Variants in AP1B1 observed in about 807,000 individuals in gnomAD.
AP1B1 encodes the protein adaptor related protein complex 1 subunit beta 1.
Under a neutral mutation model 104.3 loss-of-function variants are expected in AP1B1, and 36 were observed. The observed-to-expected ratio is 0.35, with a 90% CI of 0.26 to 0.46. AP1B1 has a LOEUF of 0.46. Ranked by LOEUF, AP1B1 falls within the 20% of genes least tolerant of loss-of-function variation. AP1B1 has a pLI of 1.00. For missense variants in AP1B1, 901 were observed against 1,247.9 expected (o/e 0.72, Z 4.19); for synonymous variants, 504 against 517.5 (o/e 0.97, Z 0.35).
chr22:29,385,264 T>C (rs752914854), intron 1 of AP1B1, among the ~76,000 whole-genome samples: 13 of 152,200 alleles, frequency 8.5e-5, no homozygotes, highest in Non-Finnish European at 1.8e-4. Context: ...CACCCATCTG[T>C]AGTACTAGCT....
rs553224306 is a variant in AP1B1, at chr22:29,344,248, C to A, written c.1438-1865G>T. Among the ~76,000 whole-genome samples, 7 of 152,232 alleles carry A rather than the reference C, an allele frequency of 4.6e-5. No homozygotes were observed. In the South Asian group the frequency reaches 1.4e-3, roughly 32 times the overall value. ...TCTTCCCAGTCCAGTCAGCCGGATG[C>A]CTGGAATTATTCATCACTGTCAGAT... On this transcript the variant is annotated intron_variant, in intron 11 of 22. Coordinates refer to ENST00000357586, the MANE Select transcript of AP1B1 (RefSeq NM_001127.4).
chr22:29,345,336 C>A (rs979545729), intron 11 of AP1B1, among the ~76,000 whole-genome samples: 34 of 147,132 alleles, frequency 2.3e-4, no homozygotes, highest in Non-Finnish European at 4.9e-4. Flanking sequence ...GGGTTACAGG[C>A]ATGAGCTGCT....
chr22:29,351,367 G>T (rs757525454), intron 8 of AP1B1, 101 bp from the exon 9 acceptor site: 16 of 1,317,510 alleles, frequency 1.2e-5, no homozygotes, highest in Non-Finnish European at 1.5e-5. Flanking sequence ...AGGAGAATGG[G>T]ATTCTGCCTC....
At position 29,328,964 on chromosome 22, in the gene AP1B1, T is replaced by C. The variant is rs1406026307; in HGVS notation, c.2776-69A>G. The stretch of plus-strand genomic sequence containing the variant: ...GGGTTCCTCTCAGGAAGGAAAGGGG[T>C]GGGGAAGAGAGCAGGAACCAATGGG... On this transcript the variant is annotated intron_variant, in intron 22 of 22. Coordinates refer to ENST00000357586, the MANE Select transcript of AP1B1 (RefSeq NM_001127.4). This position sits in a 1 kb window ranked among gnomAD's most constrained non-coding sequence, Gnocchi z 4.1. 4 of 1,559,870 alleles carry C rather than the reference T, an allele frequency of 2.6e-6. No homozygotes were observed. The highest frequency in any genetic ancestry group is 1.4e-5 in the African/African-American group (1 of 73,252).
intron 17 of AP1B1, chr22:29,332,128 A>G: frequency 1.9e-6 from 1 of 524,356 alleles, no homozygotes; most frequent in Admixed American, 3.4e-5. Flanking sequence ...CCCCAGGCCA[A>G]TTGCTCTGCT....
chr22:29,384,025 T>G (rs1243117894), intron 1 of AP1B1, among the ~76,000 whole-genome samples: 1 of 151,254 alleles, frequency 6.6e-6, no homozygotes, highest in Non-Finnish European at 1.5e-5. Context: ...ACACAAGGAG[T>G]GGGTAGGTGA....
Position 29,341,508 on chromosome 22 carries a change from T to C in AP1B1, c.1789A>G (p.Thr597Ala). The C allele has an allele frequency of 3.1e-6, 5 of 1,612,396 alleles. No homozygotes were observed. Among genetic ancestry groups the C allele is most frequent in the Non-Finnish European group, 4.2e-6 (5 of 1,178,766 alleles). ...GVVHKSLPPR[T>A]ASSESAESPE... ...CTGGCCAGTCTCACTCACGAGGCCGTGCGAGGTGGCAGGCTCTTGTGCACG... is the reference window on the plus strand; with the variant it reads ...CTGGCCAGTCTCACTCACGAGGCCGCGCGAGGTGGCAGGCTCTTGTGCACG... The change falls in exon 13 of 23, where the codon ACG becomes GCG. Residue 597 changes from threonine (T) to alanine (A), a missense_variant. This residue lies in a region of AP1B1 where 424 missense variants were observed against 494.0 expected (regional missense o/e 0.86). Transcript: ENST00000357586.
Position 29,356,597 on chromosome 22 carries a change from G to A in AP1B1, c.545C>T (p.Ala182Val), listed in dbSNP as rs1454050252. ...SNPMVVANAVAALSEIAESHP... is the reference protein window; with the variant it reads ...SNPMVVANAVVALSEIAESHP... The stretch of plus-strand genomic sequence containing the variant: ...AGACTCGGCAATTTCTGAGAGCGCT[G>A]CCACTGCATTGGCCACCACCTGGTT... The change falls in exon 6 of 23, where the codon GCA becomes GTA. Residue 182 changes from alanine (A) to valine (V), a missense_variant. Transcript: ENST00000357586. The A allele has an allele frequency of 3.1e-6, 5 of 1,614,050 alleles. 1 individual carries two copies. The highest frequency in any genetic ancestry group is 4.2e-6 in the Non-Finnish European group (5 of 1,179,982).
chr22:29,334,583 C>G (rs1445989711), intron 16 of AP1B1, among the ~76,000 whole-genome samples, 173 bp from the exon 17 acceptor site: 1 of 152,212 alleles, frequency 6.6e-6, no homozygotes, highest in South Asian at 2.1e-4. Flanking sequence ...ACAGAACAAT[C>G]CCATGTACCA....
At chr22:29,331,661 C>G in intron 18 of AP1B1, 126 bp downstream of exon 18, 1 of 1,586,974 alleles carries the variant, frequency 6.3e-7, no homozygotes. Context: ...CGTTCCCCAA[C>G]CTGGGCCTCC....
intron 21 of AP1B1, 92 bp from the exon 22 acceptor site, chr22:29,329,812 C>G: frequency 6.3e-7 from 1 of 1,586,488 alleles, no homozygotes; most frequent in Non-Finnish European, 8.6e-7. Context: ...CCACAGCCCC[C>G]CACCGACCAG....
chr22:29,363,431 C>T (rs1324214036), intron 2 of AP1B1, among the ~76,000 whole-genome samples: 3 of 152,174 alleles, frequency 2.0e-5, no homozygotes, highest in Non-Finnish European at 2.9e-5. Flanking sequence ...AGGCGGATCA[C>T]GAGGTCAGAA....
intron 11 of AP1B1, among the ~76,000 whole-genome samples, chr22:29,347,464 C>G (rs1408107017): frequency 6.6e-6 from 1 of 152,116 alleles, no homozygotes; most frequent in East Asian, 1.9e-4. Context: ...CATAAAGTTA[C>G]TGAGCCAGGA....
chr22:29,329,324 T>C (rs2061522195), intron 22 of AP1B1: 2 of 1,163,646 alleles, frequency 1.7e-6, no homozygotes, highest in South Asian at 2.6e-5. Flanking sequence ...TCATTCCTGG[T>C]TTCCTGCGTA....
intron 12 of AP1B1, 144 bp from the exon 13 acceptor site, chr22:29,341,904 T>C (rs1368892399): frequency 1.0e-6 from 1 of 984,530 alleles, no homozygotes; most frequent in Non-Finnish European, 1.5e-6. Context: ...CCTGCCCCTA[T>C]ACCACCTACA....
At position 29,341,620 on chromosome 22, in the gene AP1B1, C is replaced by T. The variant is rs1279255426; in HGVS notation, c.1677G>A (p.Leu559=). 12 of 1,614,248 alleles carry T rather than the reference C, an allele frequency of 7.4e-6. No individual in the cohort carries two copies. In the South Asian group the frequency reaches 1.1e-4, roughly 15 times the overall value. ...CGATGTAGCAGATAAGCTCGTCTAA[C>T]AGTGTGGGCTCGATGAGGTCCGTCT... is the stretch of plus-strand genomic sequence containing the variant. ...SEETDLIEPT[L]LDELICYIGT... The change falls in exon 13 of 23, where the codon CTG becomes CTA. Residue 559 remains leucine (L), a synonymous_variant. Transcript: ENST00000357586.
rs532360185 is a variant in AP1B1, at chr22:29,384,042, C to CCATT, written c.-28+4378_-28+4381dup. On this transcript the variant is annotated intron_variant, in intron 1 of 22. Coordinates refer to ENST00000357586, the MANE Select transcript of AP1B1 (RefSeq NM_001127.4). The stretch of plus-strand genomic sequence containing the variant: ...ACAAGGAGTGGGTAGGTGAAGGCAG[C>CCATT]CATTGCAGGTAGGACAGGGGCTCTC... Among the ~76,000 whole-genome samples the CCATT allele has an allele frequency of 2.4e-4, 36 of 152,238 alleles. 1 individual carries two copies. The South Asian group carries it at 5.6e-3, about 24-fold the overall frequency.
Position 29,328,478 on chromosome 22 carries a change from T to C in AP1B1, c.*343A>G. 1 of 254,118 alleles carries C rather than the reference T, an allele frequency of 3.9e-6. No individual in the cohort carries two copies. The highest frequency in any genetic ancestry group is 7.7e-6 in the Non-Finnish European group (1 of 129,582). 15.7% of individuals were successfully genotyped at this position (254,118 alleles called of 1,614,324 possible). ...CCGGAGAGACCAAGGAGCCAGGGGCTGCCGGGGCTGTGAGCCGGAGGGGCA... is the reference window on the plus strand; with the variant it reads ...CCGGAGAGACCAAGGAGCCAGGGGCCGCCGGGGCTGTGAGCCGGAGGGGCA... On this transcript the variant is annotated 3_prime_UTR_variant, in exon 23 of 23. Transcript: ENST00000357586. This position sits in a 1 kb window ranked among gnomAD's most constrained non-coding sequence, Gnocchi z 4.1.
At chr22:29,361,301 C>T (rs905127741) in intron 3 of AP1B1, among the ~76,000 whole-genome samples, 2 of 152,122 alleles carry the variant, frequency 1.3e-5, no homozygotes, top group Non-Finnish European at 2.9e-5. Context: ...TCCATGGGGA[C>T]GTCTGGAGCA....
Sources: gnomAD v4.1 joint callset for allele counts (sites outside exome capture counted in the v4.1 genomes callset) on GRCh38, gnomAD v4.1.1 for gene constraint, gnomAD v4.1.1 regional missense constraint, Gnocchi (gnomAD v3.1) non-coding constraint, MANE v1.5 for transcripts, NCBI Gene and HGNC (gene_info 2026-07-23, HGNC 2026-07-21) for gene names.